BTAF1: variants seen among roughly 807,000 people sequenced by gnomAD.
The protein encoded by BTAF1 is TATA-binding protein-associated factor 172.
In BTAF1, 38 loss-of-function variants were observed where a neutral mutation model predicts 227.1. The ratio of observed to expected loss-of-function variants is 0.17; its 90% confidence interval spans 0.13 to 0.22. The LOEUF is 0.22. BTAF1 is among the 10% of genes least tolerant of loss of function. BTAF1 has a pLI of 1.00. For synonymous variants in BTAF1, 742 were observed against 751.9 expected (o/e 0.99, Z 0.21); for missense variants, 1,598 against 2,204.0 (o/e 0.73, Z 5.51).
intron 11 of BTAF1, 116 bp downstream of exon 11, chr10:91,960,270 C>T (rs1846407571): frequency 9.0e-7 from 1 of 1,117,116 alleles, no homozygotes; most frequent in East Asian, 2.6e-5. Flanking sequence ...AGCCAGTCTT[C>T]CAAGATTTGC....
At position 91,953,873 on chromosome 10, in the gene BTAF1, G is replaced by A; in HGVS notation, c.701G>A (p.Ser234Asn). Residue 234 changes from serine to asparagine, a missense_variant and splice_region_variant, in exon 6 of 38, where the codon AGC becomes AAC. Ser to Asn is a conservative substitution (Grantham distance 46, BLOSUM62 1). This residue lies in a region of BTAF1 where 298 missense variants were observed against 395.2 expected (regional missense o/e 0.75). Coordinates refer to ENST00000265990, the MANE Select transcript of BTAF1 (RefSeq NM_003972.3). ...SRDAVETNEKSNDSTDGEPEE... is the reference protein window; with the variant it reads ...SRDAVETNEKNNDSTDGEPEE... ...GATGCAGTGGAAACTAATGAGAAGA[G>A]GTAGTAATCTTTTTTTGCCTATTCA... 6.2e-7 allele frequency: 1 copy of A among 1,613,210 alleles called. No individual in the cohort carries two copies. Among genetic ancestry groups the A allele is most frequent in the Non-Finnish European group, 8.5e-7 (1 of 1,179,696 alleles).
rs1325848001 is a variant in BTAF1, at chr10:92,028,726, A to G, written c.5407-64A>G. Reference sequence around the variant, plus strand: ...TTAGAAACAAGTGTGATTTTAAAGGAAAATACAATTTGTGAAGTTAACCTC... The same window carrying G: ...TTAGAAACAAGTGTGATTTTAAAGGGAAATACAATTTGTGAAGTTAACCTC... On this transcript the variant is annotated intron_variant, in intron 37 of 37. Coordinates refer to ENST00000265990, the MANE Select transcript of BTAF1 (RefSeq NM_003972.3). 2.0e-6 allele frequency: 3 copies of G among 1,467,670 alleles called. No homozygotes were observed. In the African/African-American group the frequency reaches 4.3e-5, roughly 21 times the overall value. 90.9% of individuals were successfully genotyped at this position (1,467,670 alleles called of 1,614,324 possible).
At chr10:91,991,291 T>TATATATATATAA (rs1456317058) in intron 20 of BTAF1, among the ~76,000 whole-genome samples, 3 of 133,042 alleles carry the variant, frequency 2.3e-5, no homozygotes, top group South Asian at 5.2e-4. Context: ...TATATATATA[T>TATATATATATAA]AAATTATCCG....
At chr10:92,011,263 A>G (rs1158148033) in intron 29 of BTAF1, 23 bp from the exon 30 acceptor site, 1 of 1,505,956 alleles carries the variant, frequency 6.6e-7, no homozygotes, top group Non-Finnish European at 8.9e-7. Flanking sequence ...AAGTTGTAAA[A>G]TTTTCTATTT....
chr10:91,957,132 A>G (rs1589805464), intron 7 of BTAF1, 93 bp from the exon 8 acceptor site: 4 of 968,774 alleles, frequency 4.1e-6, no homozygotes, highest in Non-Finnish European at 6.3e-6. Context: ...GATTGCTACT[A>G]CTAGACCTAG....
At chr10:91,968,248 T>TA (rs1847065011) in intron 14 of BTAF1, among the ~76,000 whole-genome samples, 1 of 152,240 alleles carries the variant, frequency 6.6e-6, no homozygotes, top group African/African-American at 2.4e-5. Context: ...TGATCTTTCT[T>TA]ACTGTCTCCT....
In BTAF1 at chr10:92,019,801, C is replaced by T. The variant is rs1345517935; in HGVS notation, c.4863+866C>T. ...TGCTTATTGGACATTTCCATATCTT[C>T]TTTAGAAAAATGTCTAGTCAAGTTC... On this transcript the variant is annotated intron_variant, in intron 34 of 37. Coordinates refer to ENST00000265990, the MANE Select transcript of BTAF1 (RefSeq NM_003972.3). Among the ~76,000 whole-genome samples, 3 of 151,240 alleles carry T rather than the reference C, an allele frequency of 2.0e-5. No individual in the cohort carries two copies. In the East Asian group the frequency reaches 5.8e-4, roughly 29 times the overall value.
intron 1 of BTAF1, among the ~76,000 whole-genome samples, chr10:91,932,786 T>C (rs1175358727): frequency 6.6e-6 from 1 of 152,260 alleles, no homozygotes; most frequent in African/African-American, 2.4e-5. Flanking sequence ...GGATGGGAGC[T>C]AGCTGAACAG....
intron 1 of BTAF1, among the ~76,000 whole-genome samples, chr10:91,924,304 T>C (rs1589718422): frequency 1.3e-5 from 2 of 152,242 alleles, no homozygotes; most frequent in Non-Finnish European, 2.9e-5. Flanking sequence ...TTCTTGTTAA[T>C]AGACCCCTTG....
intron 15 of BTAF1, 108 bp from the exon 16 acceptor site, chr10:91,981,535 C>T (rs536365584): frequency 7.0e-6 from 8 of 1,138,354 alleles, no homozygotes; most frequent in Middle Eastern, 2.2e-4. Context: ...CTAAATTAAT[C>T]TCTGTGCTAT....
chr10:91,993,894 C>T, intron 22 of BTAF1, 47 bp downstream of exon 22: 14 of 1,411,744 alleles, frequency 9.9e-6, no homozygotes, highest in Non-Finnish European at 1.2e-5. Flanking sequence ...ATTTTAATGT[C>T]TATTAATTGA....
chr10:91,999,062 CAAAAAAAA>C (rs34831539), intron 25 of BTAF1, among the ~76,000 whole-genome samples: 1 of 115,356 alleles, frequency 8.7e-6, no homozygotes, highest in Non-Finnish European at 1.7e-5. Context: ...GACTTCCTTT[CAAAAAAAA>C]AAAAAAAAAA....
At chr10:92,012,351 A>G (rs183897586) in intron 30 of BTAF1, among the ~76,000 whole-genome samples, 46 of 112,686 alleles carry the variant, frequency 4.1e-4, no homozygotes, top group African/African-American at 1.5e-3. Context: ...GGCTCAAGCA[A>G]TCCTCCCACC....
intron 1 of BTAF1, among the ~76,000 whole-genome samples, chr10:91,924,966 A>G (rs532393093): frequency 6.6e-6 from 1 of 152,348 alleles, no homozygotes; most frequent in Non-Finnish European, 1.5e-5. Context: ...CTTTTACCAT[A>G]TAGACTGAAG....
intron 4 of BTAF1, among the ~76,000 whole-genome samples, chr10:91,945,326 C>A (rs563773622): frequency 6.6e-6 from 1 of 152,116 alleles, no homozygotes; most frequent in African/African-American, 2.4e-5. Context: ...AATTTACCAT[C>A]CTTAACCGTT....
chr10:91,948,350 A>G (rs768313231), intron 4 of BTAF1, among the ~76,000 whole-genome samples: 6 of 150,666 alleles, frequency 4.0e-5, no homozygotes, highest in African/African-American at 7.3e-5. Flanking sequence ...TTCAGATACT[A>G]TATTTTTCAG....
intron 28 of BTAF1, among the ~76,000 whole-genome samples, chr10:92,009,765 A>G (rs1850171979): frequency 6.6e-6 from 1 of 152,214 alleles, no homozygotes; most frequent in Non-Finnish European, 1.5e-5. Context: ...CTGCCGCTGC[A>G]GTCATGGCTG....
At chr10:91,994,694 T>G (rs763476367) in intron 23 of BTAF1, 50 bp downstream of exon 23, 1 of 1,491,658 alleles carries the variant, frequency 6.7e-7, no homozygotes, top group Non-Finnish European at 9.3e-7. Flanking sequence ...ACAAGTGGTC[T>G]TATTAAAAAG....
At chr10:91,997,241 A>C in intron 24 of BTAF1, 1 of 923,734 alleles carries the variant, frequency 1.1e-6, no homozygotes, top group Non-Finnish European at 1.5e-6. Context: ...TTTGAGTGAC[A>C]CTCAGTTATA....
Sources: allele counts gnomAD v4.1 joint callset (sites outside exome capture counted in the v4.1 genomes callset), GRCh38; gene constraint gnomAD v4.1.1; regional missense constraint gnomAD v4.1.1; transcripts MANE v1.5; gene names NCBI Gene and HGNC (gene_info 2026-07-23, HGNC 2026-07-21).